The following FYN variants were observed in gnomAD, a reference collection of about 807,000 sequenced individuals.
The protein encoded by FYN is FYN proto-oncogene, Src family tyrosine kinase, also known as tyrosine-protein kinase Fyn.
In FYN, 10 loss-of-function variants were observed where a neutral mutation model predicts 70.2. That is an observed-to-expected ratio of 0.14 (90% CI 0.09 to 0.24). The LOEUF is 0.24. Ranked by LOEUF, FYN falls within the 10% of genes least tolerant of loss-of-function variation. The pLI is 1.00. For missense variants in FYN, 319 were observed against 673.1 expected (o/e 0.47, Z 5.82); for synonymous variants, 236 against 248.6 (o/e 0.95, Z 0.48).
At chr6:111,794,576 A>G (rs1771742261) in intron 2 of FYN, among the ~76,000 whole-genome samples, 1 of 152,202 alleles carries the variant, frequency 6.6e-6, no homozygotes, top group Non-Finnish European at 1.5e-5. Flanking sequence ...CTGCTTTTGT[A>G]CAGTCCATGA....
intron 1 of FYN, among the ~76,000 whole-genome samples, chr6:111,859,642 T>C (rs1773908191): frequency 2.6e-5 from 4 of 152,232 alleles, no homozygotes; most frequent in African/African-American, 9.6e-5. Flanking sequence ...GTAAAGTACA[T>C]AGCACCACGA....
intron 5 of FYN, among the ~76,000 whole-genome samples, chr6:111,712,759 CAGG>C (rs908936216): frequency 4.6e-5 from 7 of 152,200 alleles, no homozygotes; most frequent in Admixed American, 3.3e-4. Flanking sequence ...CCTGTGGCTA[CAGG>C]AGGAGGACTC....
intron 1 of FYN, among the ~76,000 whole-genome samples, chr6:111,861,904 C>A (rs1171543226): frequency 6.6e-6 from 1 of 152,178 alleles, no homozygotes; most frequent in Non-Finnish European, 1.5e-5. Flanking sequence ...CTTCGTAGAG[C>A]CTTAGTCTGG....
chr6:111,663,898 T>C (rs1455152157), intron 13 of FYN, among the ~76,000 whole-genome samples: 1 of 152,132 alleles, frequency 6.6e-6, no homozygotes, highest in Non-Finnish European at 1.5e-5. Context: ...GGCAGCCTCC[T>C]CCGGCTCTAG....
chr6:111,783,066 G>C (rs530340319), intron 2 of FYN, among the ~76,000 whole-genome samples: 1 of 152,174 alleles, frequency 6.6e-6, no homozygotes, highest in Non-Finnish European at 1.5e-5. Flanking sequence ...CAGCCTCAGC[G>C]TGGACACTGG....
intron 3 of FYN, among the ~76,000 whole-genome samples, chr6:111,768,450 C>A (rs961873243): frequency 1.3e-5 from 2 of 152,192 alleles, no homozygotes; most frequent in Non-Finnish European, 1.5e-5. Context: ...GATTTCAGGA[C>A]AAGCTTATTG....
intron 5 of FYN, among the ~76,000 whole-genome samples, chr6:111,712,483 A>G (rs1800427811): frequency 6.6e-6 from 1 of 152,092 alleles, no homozygotes; most frequent in African/African-American, 2.4e-5. Context: ...CCTTTGATAA[A>G]GTATCTGGGC....
chr6:111,772,976 GT>G (rs1402607714), intron 3 of FYN, among the ~76,000 whole-genome samples: 4 of 151,658 alleles, frequency 2.6e-5, no homozygotes, highest in Non-Finnish European at 5.9e-5. Context: ...TAGTACTATA[GT>G]ATGGTTATAT....
chr6:111,725,968 A>T (rs546892589), intron 3 of FYN, among the ~76,000 whole-genome samples: 1 of 152,336 alleles, frequency 6.6e-6, no homozygotes, highest in Admixed American at 6.5e-5. Flanking sequence ...CTGGAAAAGT[A>T]GATTAAAAGT....
intron 1 of FYN, among the ~76,000 whole-genome samples, chr6:111,868,933 G>A (rs1307145107): frequency 6.6e-6 from 1 of 152,172 alleles, no homozygotes; most frequent in Non-Finnish European, 1.5e-5. Flanking sequence ...ATCTCTTCTA[G>A]TAGACCGTGA....
rs1036974418 is a variant in FYN, at chr6:111,694,665, G to A, written c.1082C>T (p.Ala361Val). The A allele has an allele frequency of 2.5e-6, 4 of 1,614,034 alleles. No homozygotes were observed. Among genetic ancestry groups the A allele is most frequent in the Non-Finnish European group, 3.4e-6 (4 of 1,179,986 alleles). The change falls in exon 11 of 14, where the codon GCT (alanine) becomes GTT (valine). Residue 361 changes from alanine (A) to valine (V), a missense_variant. Ala to Val is a moderately conservative substitution (Grantham distance 64). Coordinates refer to ENST00000354650, the MANE Select transcript of FYN (RefSeq NM_002037.5). This position sits in a 1 kb window ranked among gnomAD's most constrained non-coding sequence, Gnocchi z 5.0. ...GTCCACAAGATTTGGTAATTTCAGA[G>A]CTCTTCCTTCTCCATCTTTTAAGAA... ...LDFLKDGEGRALKLPNLVDMA... is the reference protein window; with the variant it reads ...LDFLKDGEGRVLKLPNLVDMA...
intron 13 of FYN, among the ~76,000 whole-genome samples, chr6:111,666,018 T>TTTC (rs1162492364): frequency 0.029 from 4,193 of 143,302 alleles, 87 homozygotes; most frequent in East Asian, 0.067. Flanking sequence ...TTTTTTTTTT[T>TTTC]TGAGACAGAG....
chr6:111,815,712 CTT>C (rs11320954), intron 2 of FYN, among the ~76,000 whole-genome samples: 37 of 140,482 alleles, frequency 2.6e-4, no homozygotes, highest in African/African-American at 8.1e-4. Flanking sequence ...CTGAGTACTT[CTT>C]TTTTTTTTTT....
intron 2 of FYN, among the ~76,000 whole-genome samples, chr6:111,836,683 G>A (rs147456431): frequency 6.6e-5 from 10 of 152,236 alleles, no homozygotes; most frequent in East Asian, 3.9e-4. Context: ...TGGGAGGATC[G>A]CCCAGGAGGT....
At chr6:111,746,583 A>C (rs1469653120) in intron 3 of FYN, among the ~76,000 whole-genome samples, 3 of 152,204 alleles carry the variant, frequency 2.0e-5, no homozygotes, top group African/African-American at 7.2e-5. Context: ...CATGGTATGA[A>C]TATACCACTA....
intron 3 of FYN, chr6:111,759,885 C>T (rs983689489): frequency 6.6e-6 from 1 of 152,142 alleles, no homozygotes; most frequent in African/African-American, 2.4e-5. Context: ...AAGCAGAAAG[C>T]TTCAGTTTTC....
intron 12 of FYN, among the ~76,000 whole-genome samples, chr6:111,680,847 T>C (rs1300578412): frequency 6.6e-6 from 1 of 152,168 alleles, no homozygotes; most frequent in Non-Finnish European, 1.5e-5. Context: ...CTATGAGAAA[T>C]GCATGAATTA....
chr6:111,802,311 A>G (rs1422431206), intron 2 of FYN, among the ~76,000 whole-genome samples: 1 of 151,886 alleles, frequency 6.6e-6, no homozygotes, highest in Non-Finnish European at 1.5e-5. Flanking sequence ...TTCTGCCATG[A>G]TTGTAAATGT....
At chr6:111,814,822 A>G (rs1203030195) in intron 2 of FYN, among the ~76,000 whole-genome samples, 1 of 152,246 alleles carries the variant, frequency 6.6e-6, no homozygotes, top group Non-Finnish European at 1.5e-5. Context: ...TCTACTCTAT[A>G]TGGGGCAGAA....
Sources: gnomAD v4.1 joint callset for allele counts (sites outside exome capture counted in the v4.1 genomes callset) on GRCh38, gnomAD v4.1.1 for gene constraint, Gnocchi (gnomAD v3.1) non-coding constraint, MANE v1.5 for transcripts, NCBI Gene and HGNC (gene_info 2026-07-23, HGNC 2026-07-21) for gene names.